DLG2: variants seen among roughly 807,000 people sequenced by gnomAD.
The protein encoded by DLG2 is discs large MAGUK scaffold protein 2, also known as disks large homolog 2.
In DLG2, 45 loss-of-function variants were observed where a neutral mutation model predicts 132.5. The ratio of observed to expected loss-of-function variants is 0.34; its 90% CI spans 0.27 to 0.44. The LOEUF (loss-of-function observed/expected upper bound fraction) is 0.44, where lower values mean the gene tolerates loss of function less well. Ranked by LOEUF, DLG2 falls within the 20% of genes least tolerant of loss-of-function variation. The pLI, the probability that DLG2 is intolerant of heterozygous loss-of-function variation, is 1.00. For synonymous variants in DLG2, 424 were observed against 419.6 expected, an observed-to-expected ratio of 1.01 and a Z score of -0.13; for missense variants, 1,045 against 1,196.9, an observed-to-expected ratio of 0.87 and a Z score of 1.87.
Position 83,515,313 on chromosome 11 carries a change from G to A in DLG2, c.2193+17395C>T, listed in dbSNP as rs190443793. On this transcript the variant is annotated intron_variant, in intron 21 of 27. Coordinates refer to ENST00000376104, the MANE Select transcript of DLG2 (RefSeq NM_001142699.3). ...CTTCTAGATTTTCTAGTCTATTTGC[G>A]TAGAGGTGTTTATAGTATTCTCTGA... 2.4e-3 allele frequency among the ~76,000 whole-genome samples: 360 copies of A among 152,164 alleles called. 2 individuals carry two copies. Among genetic ancestry groups the A allele is most frequent in the Middle Eastern group, 0.014 (4 of 294 alleles).
At chr11:84,550,235 A>G (rs1211191501) in intron 6 of DLG2, among the ~76,000 whole-genome samples, 1 of 152,146 alleles carries the variant, frequency 6.6e-6, no homozygotes, top group Admixed American at 6.6e-5. Flanking sequence ...CCAGTATTGT[A>G]GAGTATTGTA....
At chr11:84,312,990 T>C (rs2098305500) in intron 7 of DLG2, among the ~76,000 whole-genome samples, 1 of 151,900 alleles carries the variant, frequency 6.6e-6, no homozygotes, top group African/African-American at 2.4e-5. Flanking sequence ...TTTTGTATTT[T>C]TAGTAGAGAC....
At chr11:83,511,553 T>C (rs1234085078) in intron 21 of DLG2, among the ~76,000 whole-genome samples, 3 of 152,098 alleles carry the variant, frequency 2.0e-5, no homozygotes, top group Admixed American at 1.3e-4. Context: ...GAACCACGCA[T>C]GAAAGGGGTT....
intron 6 of DLG2, among the ~76,000 whole-genome samples, chr11:85,016,805 G>A (rs2059613200): frequency 6.6e-6 from 1 of 152,010 alleles, no homozygotes; most frequent in Non-Finnish European, 1.5e-5. Context: ...TAATAAAATT[G>A]AGGTTATTAG....
At chr11:83,748,705 T>C (rs1014526871) in intron 18 of DLG2, among the ~76,000 whole-genome samples, 3 of 152,228 alleles carry the variant, frequency 2.0e-5, no homozygotes, top group African/African-American at 7.2e-5. Flanking sequence ...GAAAAGGAAC[T>C]CTCATCTTTG....
At chr11:85,348,805 T>G (rs1443969887) in intron 3 of DLG2, among the ~76,000 whole-genome samples, 2 of 152,136 alleles carry the variant, frequency 1.3e-5, no homozygotes, top group Non-Finnish European at 2.9e-5. Flanking sequence ...TCTAAGCATC[T>G]CTCCAGTCAT....
At chr11:84,292,650 T>C (rs2098019916) in intron 7 of DLG2, among the ~76,000 whole-genome samples, 1 of 152,174 alleles carries the variant, frequency 6.6e-6, no homozygotes, top group Admixed American at 6.5e-5. Context: ...GGGTTTGACC[T>C]TAACATAAAA....
At chr11:85,534,764 T>G (rs2075458806) in intron 3 of DLG2, among the ~76,000 whole-genome samples, 1 of 152,232 alleles carries the variant, frequency 6.6e-6, no homozygotes, top group South Asian at 2.1e-4. Flanking sequence ...CTTGGCTCCA[T>G]GTGTTTGCTA....
chr11:85,532,940 A>G (rs1388455798), intron 3 of DLG2, among the ~76,000 whole-genome samples: 1 of 152,244 alleles, frequency 6.6e-6, no homozygotes, highest in Non-Finnish European at 1.5e-5. Flanking sequence ...TACATTTTAG[A>G]AACAGGTTAT....
chr11:83,754,649 A>G (rs2093575977), intron 18 of DLG2, among the ~76,000 whole-genome samples: 1 of 151,224 alleles, frequency 6.6e-6, no homozygotes, highest in African/African-American at 2.5e-5. Flanking sequence ...ATGATTAGAG[A>G]TTCAGGAGGA....
intron 6 of DLG2, among the ~76,000 whole-genome samples, chr11:85,004,937 T>G (rs1467651045): frequency 2.0e-5 from 3 of 152,232 alleles, no homozygotes. Context: ...TGCAGTTCTC[T>G]GCATATGGCT....
At position 83,532,737 on chromosome 11, in the gene DLG2, C is replaced by T. The variant is rs141945007; in HGVS notation, c.2164G>A (p.Ala722Thr). 1 of 1,613,204 alleles carries T rather than the reference C, an allele frequency of 6.2e-7. No individual in the cohort carries two copies. Among genetic ancestry groups the T allele is most frequent in the Non-Finnish European group, 8.5e-7 (1 of 1,179,448 alleles). The change falls in exon 21 of 28, where the codon GCC (alanine) becomes ACC (threonine). Residue 722 changes from alanine (A) to threonine (T), a missense_variant. Ala to Thr is a moderately conservative substitution (Grantham distance 58, BLOSUM62 0). Around this residue, in one of 4 missense-constraint regions of DLG2, gnomAD observed 398 missense variants for 543.6 expected, o/e 0.73. Transcript: ENST00000376104. ...RARLKTVKFN[A>T]KPGVIDSKGS... is the part of the protein sequence containing the mutation. ...TTCGAATCAATCACTCCAGGTTTGG[C>T]ATTAAACTTCACTGTCTTCAATCGG...
intron 3 of DLG2, among the ~76,000 whole-genome samples, chr11:85,516,372 T>C (rs1321262905): frequency 6.6e-6 from 1 of 151,840 alleles, no homozygotes; most frequent in Non-Finnish European, 1.5e-5. Flanking sequence ...CAACCTAACA[T>C]TGCACCTCAA....
At chr11:83,656,253 A>C (rs2072393774) in intron 18 of DLG2, among the ~76,000 whole-genome samples, 3 of 152,196 alleles carry the variant, frequency 2.0e-5, no homozygotes, top group Admixed American at 6.5e-5. Context: ...AAAAGTGTCA[A>C]TCTGCTTAAA....
At chr11:84,965,364 G>A (rs993851580) in intron 6 of DLG2, among the ~76,000 whole-genome samples, 1 of 151,916 alleles carries the variant, frequency 6.6e-6, no homozygotes, top group African/African-American at 2.4e-5. Context: ...CTCCACTTGG[G>A]AAGAGGTGCC....
chr11:84,378,877 C>T (rs926093614), intron 7 of DLG2, among the ~76,000 whole-genome samples: 6 of 151,788 alleles, frequency 4.0e-5, no homozygotes, highest in South Asian at 2.1e-4. Context: ...ACCCGGGAGA[C>T]GGAAGTTGCA....
chr11:84,000,869 C>A (rs979552648), intron 11 of DLG2, among the ~76,000 whole-genome samples: 1 of 152,002 alleles, frequency 6.6e-6, no homozygotes, highest in Non-Finnish European at 1.5e-5. Context: ...GAGTCCTAAA[C>A]CTGGAAGGAA....
At chr11:85,622,212 A>G (rs181145556) in intron 2 of DLG2, among the ~76,000 whole-genome samples, 2 of 152,322 alleles carry the variant, frequency 1.3e-5, no homozygotes, top group East Asian at 3.9e-4. Flanking sequence ...AACCTAATGG[A>G]CTATAGTATA....
chr11:83,776,370 G>T (rs1261652439), intron 18 of DLG2, among the ~76,000 whole-genome samples: 1 of 152,096 alleles, frequency 6.6e-6, no homozygotes, highest in Non-Finnish European at 1.5e-5. Context: ...CTGCAAGCTG[G>T]ATTGCTGTGA....
Sources: allele counts gnomAD v4.1 joint callset (sites outside exome capture counted in the v4.1 genomes callset), GRCh38; gene constraint gnomAD v4.1.1; regional missense constraint gnomAD v4.1.1; transcripts MANE v1.5; gene names NCBI Gene and HGNC (gene_info 2026-07-23, HGNC 2026-07-21).